RELL1: variants seen among roughly 807,000 people sequenced by gnomAD.
The protein encoded by RELL1 is RELT like 1, also known as RELT-like protein 1.
RELL1 carries 10 observed loss-of-function variants against 23.0 expected under a neutral mutation model. That is an observed-to-expected ratio of 0.43 (90% CI 0.27 to 0.74). RELL1 has a LOEUF of 0.74. Ranked by LOEUF, RELL1 falls within the 30% of genes least tolerant of loss-of-function variation. The probability of loss-of-function intolerance (pLI) is 0.19; values close to 1 mark genes in which losing one functional copy is unlikely to be tolerated. For missense variants in RELL1, 315 were observed against 364.4 expected (o/e 0.86, Z 1.10); for synonymous variants, 146 against 146.8 (o/e 0.99, Z 0.04).
At position 37,649,265 on chromosome 4, in the gene RELL1, T is replaced by C; in HGVS notation, c.313+11A>G. On this transcript the variant is annotated intron_variant, in intron 2 of 6. Transcript: ENST00000454158. ...TCCTCACCCCCAATAAAAAGAGCCC[T>C]GGTTATTTACCTATCTTTTCAACCT... The C allele has an allele frequency of 6.2e-7, 1 of 1,606,054 alleles. No homozygotes were observed. The highest frequency in any genetic ancestry group is 8.5e-7 in the Non-Finnish European group (1 of 1,173,674).
intron 1 of RELL1, among the ~76,000 whole-genome samples, chr4:37,662,998 G>A (rs1340872814): frequency 6.6e-6 from 1 of 152,202 alleles, no homozygotes; most frequent in Non-Finnish European, 1.5e-5. Flanking sequence ...ATACAGGCCA[G>A]GAAGCCACCA....
chr4:37,646,619 T>C (rs1249171668), intron 3 of RELL1, among the ~76,000 whole-genome samples: 2 of 152,238 alleles, frequency 1.3e-5, no homozygotes, highest in Non-Finnish European at 2.9e-5. Context: ...ACAATTTTTT[T>C]AAGCGCATGA....
intron 2 of RELL1, among the ~76,000 whole-genome samples, chr4:37,648,730 A>G (rs1014323819): frequency 3.9e-5 from 6 of 152,222 alleles, no homozygotes; most frequent in African/African-American, 1.2e-4. Context: ...ATAAACATAA[A>G]TTCCAATCAC....
rs771576367 is a variant in RELL1 at position 37,622,798 on chromosome 4, G to GTT, written c.*3+8586_*3+8587insAA. The GTT allele has an allele frequency of 3.7e-3, 1,530 of 415,390 alleles. 14 individuals are homozygous for GTT. The highest frequency in any genetic ancestry group is 5.8e-3 in the Middle Eastern group (7 of 1,214). 25.7% of individuals were successfully genotyped at this position (415,390 alleles called of 1,614,324 possible). On this transcript the variant is annotated intron_variant, in intron 6 of 6. Transcript: ENST00000454158. ...GGCACATAGTAGGGTCTCAAGTAAT[G>GTT]CTTTTTTTTTTTTTTTTTTTTCTGA... is the stretch of plus-strand genomic sequence containing the variant.
chr4:37,674,348 G>T (rs1232284448), intron 1 of RELL1, among the ~76,000 whole-genome samples: 1 of 152,228 alleles, frequency 6.6e-6, no homozygotes, highest in African/African-American at 2.4e-5. Flanking sequence ...TACCTGCAAT[G>T]ACTATTAAAA....
rs368051305 is a variant in RELL1, at chr4:37,611,839, G to T, written c.*1507C>A. ...GGATGAAAAACAGGAAATACACAAA[G>T]AAAAACATGCCAGAGGTAGGTGCAG... On this transcript the variant is annotated 3_prime_UTR_variant, in exon 7 of 7. Transcript: ENST00000454158. Among the ~76,000 whole-genome samples the T allele has an allele frequency of 2.6e-5, 4 of 152,234 alleles. No homozygotes were observed. In the East Asian group the frequency reaches 7.7e-4, roughly 29 times the overall value.
In RELL1 at chr4:37,631,377, C is replaced by T. The variant is rs746241858; in HGVS notation, c.*3+8G>A. The T allele has an allele frequency of 8.1e-6, 13 of 1,610,670 alleles. No homozygotes were observed. The highest frequency in any genetic ancestry group is 4.5e-5 in the East Asian group (2 of 44,738). On this transcript the variant is annotated splice_region_variant and intron_variant, in intron 6 of 6. Coordinates refer to ENST00000454158, the MANE Select transcript of RELL1 (RefSeq NM_001085400.2). ...TCTGCCCCCAATGTCACCAAAACCA[C>T]GGCTCACCTGCTACTCTGTGCCACT... is the stretch of plus-strand genomic sequence containing the variant.
intron 6 of RELL1, among the ~76,000 whole-genome samples, chr4:37,602,672 T>G (rs779164627): frequency 1.3e-5 from 2 of 152,100 alleles, no homozygotes; most frequent in Non-Finnish European, 2.9e-5. Context: ...ACAGAGGATT[T>G]GCAGGCATTT....
chr4:37,617,102 T>C (rs1283215463), intron 6 of RELL1, among the ~76,000 whole-genome samples: 3 of 152,234 alleles, frequency 2.0e-5, no homozygotes, highest in Non-Finnish European at 4.4e-5. Flanking sequence ...GGCTAATCCA[T>C]GCAATCTTTT....
At chr4:37,619,416 C>T (rs1047395854) in intron 6 of RELL1, among the ~76,000 whole-genome samples, 2 of 143,426 alleles carry the variant, frequency 1.4e-5, no homozygotes, top group South Asian at 2.3e-4. Flanking sequence ...CTCCTGACCT[C>T]GTGATCCACC....
chr4:37,642,257 T>A (rs1229414024), intron 3 of RELL1, among the ~76,000 whole-genome samples: 2 of 152,144 alleles, frequency 1.3e-5, no homozygotes, highest in Non-Finnish European at 2.9e-5. Flanking sequence ...TGCCTAGGGA[T>A]CAGAAGTACT....
At chr4:37,589,554 A>G (rs956691298), downstream of RELL1, among the ~76,000 whole-genome samples, 1 of 152,110 alleles carries the variant, frequency 6.6e-6, no homozygotes, top group African/African-American at 2.4e-5. Flanking sequence ...TTAAAATTCT[A>G]TGAACCACTT....
downstream of RELL1, among the ~76,000 whole-genome samples, chr4:37,589,837 G>A (rs919485210): frequency 9.2e-5 from 14 of 152,256 alleles, no homozygotes; most frequent in Admixed American, 7.2e-4. Flanking sequence ...TCACCATGTC[G>A]GTCAGGCTGG....
chr4:37,685,814 C>A (rs543976268), intron 1 of RELL1, among the ~76,000 whole-genome samples: 1 of 152,386 alleles, frequency 6.6e-6, no homozygotes, highest in Non-Finnish European at 1.5e-5. Context: ...GTGTCACGAT[C>A]TTCCGCTCGC....
At chr4:37,595,592 T>TGC (rs1293779213) in intron 6 of RELL1, among the ~76,000 whole-genome samples, 2 of 152,210 alleles carry the variant, frequency 1.3e-5, no homozygotes, top group African/African-American at 4.8e-5. Context: ...AATAAAGGTA[T>TGC]ACATGGTGTA....
chr4:37,666,516 T>C (rs978250806), intron 1 of RELL1, among the ~76,000 whole-genome samples: 18 of 152,260 alleles, frequency 1.2e-4, no homozygotes, highest in African/African-American at 4.3e-4. Flanking sequence ...TGATAAATGC[T>C]AGCCATTATT....
At chr4:37,663,275 C>A (rs1721417243) in intron 1 of RELL1, among the ~76,000 whole-genome samples, 1 of 152,148 alleles carries the variant, frequency 6.6e-6, no homozygotes. Context: ...ACTGATAGCA[C>A]CGTCTGTCTC....
chr4:37,604,364 T>C (rs1464460767), intron 6 of RELL1, among the ~76,000 whole-genome samples: 1 of 151,162 alleles, frequency 6.6e-6, no homozygotes, highest in Non-Finnish European at 1.5e-5. Context: ...TAAATCGGGA[T>C]TGGAGGAATT....
In RELL1 at chr4:37,631,499, G is replaced by A. The variant is rs1454697090; in HGVS notation, c.705C>T (p.His235=). Residue 235 remains histidine (H), a synonymous_variant, in exon 6 of 7, where the codon CAC becomes CAT. Coordinates refer to ENST00000454158, the MANE Select transcript of RELL1 (RefSeq NM_001085400.2). The part of the protein sequence containing the change: ...VGRFRVTKVE[H]KSNQKERRSL... ...TTCTCCGTTCCTTCTGGTTTGACTT[G>A]TGCTCCACTTTTGTAACTCTAAATC... 12 of 1,613,842 alleles carry A rather than the reference G, an allele frequency of 7.4e-6. No individual in the cohort carries two copies. In the Admixed American group the frequency reaches 1.8e-4, roughly 25 times the overall value.
Sources: allele counts gnomAD v4.1 joint callset (sites outside exome capture counted in the v4.1 genomes callset), GRCh38; gene constraint gnomAD v4.1.1; transcripts MANE v1.5; gene names NCBI Gene and HGNC (gene_info 2026-07-23, HGNC 2026-07-21).